Variants in LPAR1 observed in about 807,000 individuals in gnomAD.
The protein encoded by LPAR1 is LPA receptor 1.
Under a neutral mutation model 23.8 loss-of-function variants are expected in LPAR1, and 5 were observed. The ratio of observed to expected loss-of-function variants is 0.21; its 90% confidence interval spans 0.11 to 0.44. The LOEUF (loss-of-function observed/expected upper bound fraction) is 0.44, where lower values mean the gene tolerates loss of function less well. Among genes scored for constraint, LPAR1 ranks in the 20% least tolerant of loss-of-function variants. The pLI is 0.99. For synonymous variants in LPAR1, 160 were observed against 164.7 expected, an observed-to-expected ratio of 0.97 and a Z score of 0.22; for missense variants, 311 against 482.8, an observed-to-expected ratio of 0.64 and a Z score of 3.33.
At chr9:110,883,487 A>G (rs1046867648) in intron 5 of LPAR1, among the ~76,000 whole-genome samples, 4 of 152,186 alleles carry the variant, frequency 2.6e-5, no homozygotes, top group Admixed American at 6.5e-5. Flanking sequence ...AGAAAACTCA[A>G]TTTATCAAAA....
At chr9:111,017,552 G>T (rs1161119201) in intron 2 of LPAR1, among the ~76,000 whole-genome samples, 2 of 152,130 alleles carry the variant, frequency 1.3e-5, no homozygotes, top group Non-Finnish European at 2.9e-5. Flanking sequence ...AGCTTATGCG[G>T]GTAAATATGC....
chr9:110,889,688 G>T (rs1205104910), intron 5 of LPAR1, among the ~76,000 whole-genome samples: 2 of 152,154 alleles, frequency 1.3e-5, no homozygotes, highest in African/African-American at 4.8e-5. Context: ...CTGAGCTGCT[G>T]GAAATTCAAA....
rs192974265 is a variant in LPAR1 at position 110,886,289 on chromosome 9, G to A, written c.794-10567C>T. 5.9e-4 allele frequency among the ~76,000 whole-genome samples: 89 copies of A among 151,178 alleles called. No homozygotes were observed. In the East Asian group the frequency reaches 8.6e-3, roughly 15 times the overall value. The stretch of plus-strand genomic sequence containing the variant: ...TGAGGCAGAAGAATCACTTGAACCC[G>A]GGAGACAGAGGTTGCAGTGAGCAAA... On this transcript the variant is annotated intron_variant, in intron 5 of 5. Transcript: ENST00000683809.
At chr9:110,885,809 T>G (rs1028682193) in intron 5 of LPAR1, among the ~76,000 whole-genome samples, 1 of 152,214 alleles carries the variant, frequency 6.6e-6, no homozygotes, top group Admixed American at 6.5e-5. Context: ...ATGCCTATAA[T>G]CCCAACACTT....
intron 2 of LPAR1, among the ~76,000 whole-genome samples, chr9:111,017,747 C>T (rs1204689612): frequency 6.6e-5 from 10 of 152,158 alleles, no homozygotes; most frequent in Non-Finnish European, 1.0e-4. Flanking sequence ...CTTGGCTGGG[C>T]GCAGTGGCTC....
intron 2 of LPAR1, among the ~76,000 whole-genome samples, chr9:110,982,938 TA>T (rs142053314): frequency 0.012 from 1,805 of 148,252 alleles, 18 homozygotes; most frequent in Middle Eastern, 0.024. Flanking sequence ...TAATCATCAG[TA>T]AAATGCAAAT....
chr9:110,889,231 G>A (rs1414801446), intron 5 of LPAR1, among the ~76,000 whole-genome samples: 2 of 152,094 alleles, frequency 1.3e-5, no homozygotes, highest in East Asian at 1.9e-4. Flanking sequence ...ATGGTTGGGC[G>A]CCTGTAGTCT....
chr9:110,912,790 T>C (rs1042230111), intron 5 of LPAR1, among the ~76,000 whole-genome samples: 2 of 148,708 alleles, frequency 1.3e-5, no homozygotes, highest in African/African-American at 5.2e-5. Context: ...CACCAGGACA[T>C]TCTGTTCTTC....
intron 2 of LPAR1, among the ~76,000 whole-genome samples, chr9:110,982,897 C>CACACACACACA (rs1554721324): frequency 6.6e-6 from 1 of 150,554 alleles, no homozygotes; most frequent in Non-Finnish European, 1.5e-5. Flanking sequence ...CACACACACA[C>CACACACACACA]GGCCAAACAT....
chr9:110,900,421 T>A (rs944598746), intron 5 of LPAR1, among the ~76,000 whole-genome samples: 1 of 152,184 alleles, frequency 6.6e-6, no homozygotes, highest in Admixed American at 6.5e-5. Context: ...ACTCCCACCA[T>A]GTTAAAATAA....
intron 2 of LPAR1, among the ~76,000 whole-genome samples, chr9:110,986,394 G>A (rs2096781821): frequency 6.6e-6 from 1 of 152,002 alleles, no homozygotes; most frequent in African/African-American, 2.4e-5. Flanking sequence ...AAGAGTAAGT[G>A]CATGTTTCTA....
At chr9:111,026,085 G>A (rs2097686215) in intron 2 of LPAR1, among the ~76,000 whole-genome samples, 1 of 152,136 alleles carries the variant, frequency 6.6e-6, no homozygotes, top group South Asian at 2.1e-4. Context: ...GTAGCTTGAT[G>A]GGAATAGCAT....
At chr9:111,035,860 C>A (rs911133151) in intron 2 of LPAR1, among the ~76,000 whole-genome samples, 5 of 152,176 alleles carry the variant, frequency 3.3e-5, no homozygotes, top group Admixed American at 3.3e-4. Context: ...CAGATTGCAA[C>A]TTTCCATACT....
At chr9:110,997,172 G>A (rs189744789) in intron 2 of LPAR1, among the ~76,000 whole-genome samples, 18 of 152,294 alleles carry the variant, frequency 1.2e-4, no homozygotes, top group Middle Eastern at 3.4e-3. Flanking sequence ...CTGACCCCAA[G>A]CTGGGAAAGA....
chr9:110,887,507 GA>G (rs1402840511), intron 5 of LPAR1, among the ~76,000 whole-genome samples: 1 of 152,082 alleles, frequency 6.6e-6, no homozygotes, highest in Non-Finnish European at 1.5e-5. Context: ...TGGCAGAGCA[GA>G]AAGGAGGTAC....
intron 2 of LPAR1, among the ~76,000 whole-genome samples, chr9:111,034,532 C>T (rs1446440371): frequency 6.6e-6 from 1 of 152,190 alleles, no homozygotes; most frequent in East Asian, 1.9e-4. Flanking sequence ...AATTAAATTT[C>T]TCAAAAGTAT....
intron 4 of LPAR1, among the ~76,000 whole-genome samples, chr9:110,965,226 A>G (rs2137665167): frequency 6.6e-6 from 1 of 152,248 alleles, no homozygotes; most frequent in African/African-American, 2.4e-5. Context: ...CTTAACTAAG[A>G]TATTGAAAAT....
intron 5 of LPAR1, among the ~76,000 whole-genome samples, chr9:110,888,052 A>G (rs1041053726): frequency 3.9e-5 from 6 of 152,224 alleles, no homozygotes; most frequent in African/African-American, 1.4e-4. Flanking sequence ...ACTGATACCA[A>G]GTCATCAGAT....
chr9:110,887,747 GACA>G (rs1017451596), intron 5 of LPAR1, among the ~76,000 whole-genome samples: 52 of 152,162 alleles, frequency 3.4e-4, no homozygotes, highest in African/African-American at 1.2e-3. Flanking sequence ...TGATAAAATT[GACA>G]ACACCAAGTC....
Sources: allele counts gnomAD v4.1 joint callset (sites outside exome capture counted in the v4.1 genomes callset), GRCh38; gene constraint gnomAD v4.1.1; transcripts MANE v1.5; gene names NCBI Gene and HGNC (gene_info 2026-07-23, HGNC 2026-07-21).